Variants in NCAM2 observed in about 807,000 individuals in gnomAD.
NCAM2 encodes the protein neural cell adhesion molecule 2.
A neutral mutation model predicts 98.1 loss-of-function variants in NCAM2; 30 were observed. The ratio of observed to expected loss-of-function variants is 0.31; its 90% CI spans 0.23 to 0.41. The LOEUF is 0.41. Ranked by LOEUF, NCAM2 falls within the 10% of genes least tolerant of loss-of-function variation. The pLI is 1.00. For synonymous variants in NCAM2, 368 were observed against 342.4 expected, an observed-to-expected ratio of 1.07 and a Z score of -0.83; for missense variants, 867 against 1,005.8, an observed-to-expected ratio of 0.86 and a Z score of 1.87.
At chr21:21,293,897 C>A (rs547665324) in intron 5 of NCAM2, among the ~76,000 whole-genome samples, 1 of 151,360 alleles carries the variant, frequency 6.6e-6, no homozygotes, top group Admixed American at 6.6e-5. Context: ...ATGTAAAATT[C>A]TTTAAAATTG....
chr21:21,494,546 C>A (rs1987079471), intron 15 of NCAM2, among the ~76,000 whole-genome samples: 1 of 151,826 alleles, frequency 6.6e-6, no homozygotes, highest in African/African-American at 2.4e-5. Flanking sequence ...CAAACTGCAT[C>A]CATCAAAGTC....
intron 1 of NCAM2, among the ~76,000 whole-genome samples, chr21:21,064,929 C>T (rs2065401792): frequency 6.6e-6 from 1 of 152,146 alleles, no homozygotes; most frequent in African/African-American, 2.4e-5. Context: ...CCTGTAATCC[C>T]AGCACTTTGG....
At chr21:21,235,452 G>A (rs1450288064) in intron 1 of NCAM2, among the ~76,000 whole-genome samples, 2 of 151,708 alleles carry the variant, frequency 1.3e-5, no homozygotes, top group African/African-American at 2.4e-5. Context: ...TATGTAAGTA[G>A]GTAAACCTAA....
At chr21:21,508,400 T>A (rs1988124271) in intron 15 of NCAM2, among the ~76,000 whole-genome samples, 1 of 152,088 alleles carries the variant, frequency 6.6e-6, no homozygotes, top group Non-Finnish European at 1.5e-5. Flanking sequence ...CATAATCTCA[T>A]ATAGAAGATT....
rs35446366 is a variant in NCAM2, at chr21:21,524,038, C to CCACACA, written c.2283-10482_2283-10477dup. Among the ~76,000 whole-genome samples the CCACACA allele has an allele frequency of 7.4e-5, 11 of 148,594 alleles. No homozygotes were observed. In the South Asian group the frequency reaches 2.1e-3, roughly 29 times the overall value. On this transcript the variant is annotated intron_variant, in intron 16 of 17. Transcript: ENST00000400546. The stretch of plus-strand genomic sequence containing the variant: ...AAAACGAGACCCAACCAGATATTGT[C>CCACACA]CACACACACACACACACACACAATA...
chr21:21,364,576 AATGT>A (rs1471932319), intron 8 of NCAM2, among the ~76,000 whole-genome samples: 1 of 152,016 alleles, frequency 6.6e-6, no homozygotes, highest in African/African-American at 2.4e-5. Context: ...TTAAAAAGAA[AATGT>A]ATGTGTAGCC....
At chr21:21,102,789 A>G (rs1298470645) in intron 1 of NCAM2, among the ~76,000 whole-genome samples, 1 of 152,016 alleles carries the variant, frequency 6.6e-6, no homozygotes, top group East Asian at 1.9e-4. Context: ...GAATTTATTT[A>G]CTTATTTAGA....
intron 1 of NCAM2, among the ~76,000 whole-genome samples, chr21:21,187,758 G>A (rs146818583): frequency 1.3e-5 from 2 of 152,208 alleles, no homozygotes; most frequent in African/African-American, 4.8e-5. Context: ...TATGCCTTGG[G>A]TATTCATTAA....
At chr21:21,134,965 C>T (rs779955323) in intron 1 of NCAM2, among the ~76,000 whole-genome samples, 8 of 151,746 alleles carry the variant, frequency 5.3e-5, no homozygotes, top group Non-Finnish European at 1.0e-4. Flanking sequence ...CTGGGCGCGG[C>T]GGCTCACGCC....
rs192210317 is a variant in NCAM2, at chr21:21,213,872, G to A, written c.56-66706G>A. On this transcript the variant is annotated intron_variant, in intron 1 of 17. Coordinates refer to ENST00000400546, the MANE Select transcript of NCAM2 (RefSeq NM_004540.5). ...ATACACATAGTATTTAGGGGTGACA[G>A]GAGGATGTTCCAGGCCTTGCAATCA... 4.7e-3 allele frequency among the ~76,000 whole-genome samples: 720 copies of A among 152,228 alleles called. 1 individual carries two copies. The highest frequency in any genetic ancestry group is 7.6e-3 in the Non-Finnish European group (514 of 68,008).
chr21:21,119,729 C>A (rs2066633801), intron 1 of NCAM2, among the ~76,000 whole-genome samples: 1 of 151,914 alleles, frequency 6.6e-6, no homozygotes, highest in Non-Finnish European at 1.5e-5. Context: ...AAAAGAAAAA[C>A]AAATTATCTG....
intron 16 of NCAM2, among the ~76,000 whole-genome samples, chr21:21,518,663 A>T (rs1002584557): frequency 2.0e-5 from 3 of 151,524 alleles, no homozygotes; most frequent in African/African-American, 4.8e-5. Flanking sequence ...TATTATATAT[A>T]AAGGTATAGA....
At chr21:21,230,006 A>G (rs969332132) in intron 1 of NCAM2, among the ~76,000 whole-genome samples, 4 of 151,314 alleles carry the variant, frequency 2.6e-5, no homozygotes, top group African/African-American at 9.7e-5. Context: ...TATTTGAGAG[A>G]AACACACAAG....
chr21:21,409,632 C>A (rs994891065), intron 9 of NCAM2, among the ~76,000 whole-genome samples: 1 of 152,096 alleles, frequency 6.6e-6, no homozygotes, highest in African/African-American at 2.4e-5. Flanking sequence ...AGTTTCTACA[C>A]AAGTAGATAG....
intron 10 of NCAM2, among the ~76,000 whole-genome samples, chr21:21,416,133 C>A (rs1240389045): frequency 6.6e-6 from 1 of 152,038 alleles, no homozygotes; most frequent in Non-Finnish European, 1.5e-5. Context: ...ACATGAACAC[C>A]TAGAGACCAT....
At chr21:21,137,310 A>G (rs1190615304) in intron 1 of NCAM2, among the ~76,000 whole-genome samples, 1 of 152,252 alleles carries the variant, frequency 6.6e-6, no homozygotes, top group South Asian at 2.1e-4. Flanking sequence ...GAAATTATTT[A>G]CAAATTAGAA....
intron 1 of NCAM2, among the ~76,000 whole-genome samples, chr21:21,021,180 A>T (rs1031358522): frequency 1.3e-5 from 2 of 150,784 alleles, no homozygotes; most frequent in Admixed American, 1.3e-4. Context: ...TTTTCTATGG[A>T]TCATTTTTTT....
intron 1 of NCAM2, among the ~76,000 whole-genome samples, chr21:21,098,511 T>G (rs2066171767): frequency 6.6e-6 from 1 of 151,810 alleles, no homozygotes; most frequent in African/African-American, 2.4e-5. Context: ...AATTCTTGAA[T>G]TTTTTATGGT....
chr21:21,334,031 C>CCTGCAACCTGCCTCAGCATCCCTT (rs1227969338), intron 6 of NCAM2, among the ~76,000 whole-genome samples: 3 of 151,986 alleles, frequency 2.0e-5, no homozygotes, highest in Non-Finnish European at 4.4e-5. Flanking sequence ...ATCTCAGCTC[C>CCTGCAACCTGCCTCAGCATCCCTT]CTGCAACCTG....
Sources: allele counts gnomAD v4.1 joint callset (sites outside exome capture counted in the v4.1 genomes callset), GRCh38; gene constraint gnomAD v4.1.1; transcripts MANE v1.5; gene names NCBI Gene and HGNC (gene_info 2026-07-23, HGNC 2026-07-21).